The following KDM2B variants were observed in gnomAD, a reference collection of about 807,000 sequenced individuals.
KDM2B encodes lysine demethylase 2B.
Under a neutral mutation model 150.0 loss-of-function variants are expected in KDM2B, and 26 were observed. The observed-to-expected ratio is 0.17, with a 90% confidence interval of 0.13 to 0.24. The LOEUF (loss-of-function observed/expected upper bound fraction) is 0.24, where lower values mean the gene tolerates loss of function less well. Ranked by LOEUF, KDM2B falls within the 10% of genes least tolerant of loss-of-function variation. The probability of loss-of-function intolerance (pLI) is 1.00; values close to 1 mark genes in which losing one functional copy is unlikely to be tolerated. For synonymous variants in KDM2B, 734 were observed against 729.5 expected (o/e 1.01, Z -0.10); for missense variants, 1,265 against 1,816.9 (o/e 0.70, Z 5.52).
chr12:121,581,487 CA>C (rs782330599), upstream of KDM2B, among the ~76,000 whole-genome samples: 4 of 152,342 alleles, frequency 2.6e-5, no homozygotes, highest in South Asian at 8.3e-4. Context: ...GTCCTCCCAT[CA>C]TGAGCAACAG....
At chr12:121,547,458 G>A (rs782556692) in intron 6 of KDM2B, among the ~76,000 whole-genome samples, 2 of 152,140 alleles carry the variant, frequency 1.3e-5, no homozygotes, top group Non-Finnish European at 2.9e-5. Flanking sequence ...CATGCAGTCC[G>A]CACTCACTAT....
chr12:121,434,951 T>C (rs982050973), intron 22 of KDM2B, among the ~76,000 whole-genome samples: 8 of 151,724 alleles, frequency 5.3e-5, no homozygotes, highest in Admixed American at 3.9e-4. Context: ...AGCAAGACTT[T>C]GTGTTGAAAA....
intron 22 of KDM2B, among the ~76,000 whole-genome samples, chr12:121,437,688 G>A (rs1407017445): frequency 6.6e-6 from 1 of 152,138 alleles, no homozygotes; most frequent in Non-Finnish European, 1.5e-5. Flanking sequence ...AATTTTCCAC[G>A]ATGGAATTCG....
chr12:121,440,371 G>C (rs977993817), intron 21 of KDM2B: 2 of 468,250 alleles, frequency 4.3e-6, no homozygotes, highest in Non-Finnish European at 7.8e-6. Context: ...GATCCCCATG[G>C]CTTGGCGAGA....
chr12:121,503,425 G>A (rs1884773467), intron 11 of KDM2B, among the ~76,000 whole-genome samples: 2 of 152,024 alleles, frequency 1.3e-5, no homozygotes, highest in Admixed American at 6.6e-5. Context: ...CAAGTAGCTG[G>A]GACTACAGGC....
chr12:121,568,136 G>A (rs1006458901), intron 4 of KDM2B, among the ~76,000 whole-genome samples: 1 of 152,088 alleles, frequency 6.6e-6, no homozygotes, highest in Non-Finnish European at 1.5e-5. Flanking sequence ...TTGAAATAAT[G>A]GAGAAAAGAC....
chr12:121,417,194 CTG>C, the KDM2B span, among the ~76,000 whole-genome samples: 238 of 152,316 alleles, frequency 1.6e-3, 2 homozygotes, highest in Middle Eastern at 3.4e-3. This position sits in a 1 kb window ranked among gnomAD's most constrained non-coding sequence, Gnocchi z 5.0. Context: ...GCTTTCTGCT[CTG>C]TGTGGTTCAA....
intron 12 of KDM2B, among the ~76,000 whole-genome samples, chr12:121,466,905 T>A (rs1880061430): frequency 6.8e-6 from 1 of 146,102 alleles, no homozygotes; most frequent in Non-Finnish European, 1.5e-5. Context: ...CGGCCCACAT[T>A]GTCCCCGCGG....
At chr12:121,421,781 A>G in the KDM2B span, among the ~76,000 whole-genome samples, 1 of 152,224 alleles carries the variant, frequency 6.6e-6, no homozygotes, top group Non-Finnish European at 1.5e-5. Context: ...GTGGGCCACC[A>G]TGCCTGACCC....
chr12:121,497,222 T>C (rs563773221), intron 11 of KDM2B, among the ~76,000 whole-genome samples: 3 of 152,312 alleles, frequency 2.0e-5, no homozygotes, highest in East Asian at 1.9e-4. Context: ...ATTTATAAAG[T>C]GTCTTTATTC....
chr12:121,417,803 T>A, the KDM2B span: 1 of 1,614,242 alleles, frequency 6.2e-7, no homozygotes, highest in Non-Finnish European at 8.5e-7. The surrounding 1 kb of genome is among the most constrained non-coding windows in gnomAD (Gnocchi z 5.0). Flanking sequence ...CTAGCTTTTT[T>A]ACACGTTCGT....
At chr12:121,460,756 A>G (rs1878999277) in intron 12 of KDM2B, among the ~76,000 whole-genome samples, 1 of 152,026 alleles carries the variant, frequency 6.6e-6, no homozygotes, top group East Asian at 1.9e-4. Context: ...TATCTGTATC[A>G]ACAATCTTTT....
At chr12:121,538,037 G>A (rs1888300658) in intron 6 of KDM2B, among the ~76,000 whole-genome samples, 2 of 146,286 alleles carry the variant, frequency 1.4e-5, no homozygotes, top group South Asian at 5.0e-4. Context: ...CCCCCTCCAC[G>A]GCGCTGCCAG....
the KDM2B span, among the ~76,000 whole-genome samples, chr12:121,414,680 G>T: frequency 6.6e-6 from 1 of 152,062 alleles, no homozygotes; most frequent in East Asian, 1.9e-4. Context: ...TGTTGTTGTT[G>T]TTGTTTTTTC....
intron 12 of KDM2B, among the ~76,000 whole-genome samples, chr12:121,463,316 A>G (rs74624481): frequency 7.5e-6 from 1 of 132,880 alleles, no homozygotes; most frequent in South Asian, 2.2e-4. Flanking sequence ...ACTCCGTCTC[A>G]AAAAAAAAAA....
intron 9 of KDM2B, chr12:121,516,514 C>G: frequency 7.1e-7 from 1 of 1,410,470 alleles, no homozygotes. Context: ...AGGTTTCAGC[C>G]ACATGCCTGG....
At position 121,509,357 on chromosome 12, in the gene KDM2B, C is replaced by T. The variant is rs118189430; in HGVS notation, c.1647+210G>A. ...GATTACAGGTGTGAGCCACCCCACC[C>T]ACCCTCTGCAGCTCTTAATGATGGC... On this transcript the variant is annotated intron_variant, in intron 11 of 22. Coordinates refer to ENST00000377071, the MANE Select transcript of KDM2B (RefSeq NM_032590.5). 1.2e-3 allele frequency among the ~76,000 whole-genome samples: 184 copies of T among 152,060 alleles called. 5 individuals carry two copies. The East Asian group carries it at 0.034, about 28-fold the overall frequency.
chr12:121,517,838 G>A (rs569881483), intron 9 of KDM2B, among the ~76,000 whole-genome samples: 2 of 152,082 alleles, frequency 1.3e-5, no homozygotes, highest in Admixed American at 6.6e-5. Context: ...GGTTCCCTCT[G>A]TCCCACCTCC....
chr12:121,429,757 A>C lies in KDM2B; in HGVS notation c.*531T>G, dbSNP rs1406609364. 7 of 488,294 alleles carry C rather than the reference A, an allele frequency of 1.4e-5. No homozygotes were observed. The highest frequency in any genetic ancestry group is 2.5e-5 in the Non-Finnish European group (7 of 278,812). 30.2% of individuals were successfully genotyped at this position (488,294 alleles called of 1,614,324 possible). ...GAAAATTGGCAATCTCAAAACAATA[A>C]AAACACTGGTATGCATTCAAACCTT... is the stretch of plus-strand genomic sequence containing the variant. On this transcript the variant is annotated 3_prime_UTR_variant, in exon 23 of 23. Transcript: ENST00000377071.
Sources: allele counts gnomAD v4.1 joint callset (sites outside exome capture counted in the v4.1 genomes callset), GRCh38; gene constraint gnomAD v4.1.1; non-coding constraint Gnocchi (gnomAD v3.1); transcripts MANE v1.5; gene names NCBI Gene and HGNC (gene_info 2026-07-23, HGNC 2026-07-21).